SCAMP2: variants seen among roughly 807,000 people sequenced by gnomAD.
SCAMP2 encodes secretory carrier-associated membrane protein 2.
In SCAMP2, 25 loss-of-function variants were observed where a neutral mutation model predicts 44.1. The observed-to-expected ratio is 0.57, with a 90% CI of 0.41 to 0.79. The LOEUF (loss-of-function observed/expected upper bound fraction) is 0.79, where lower values mean the gene tolerates loss of function less well. Ranked by LOEUF, SCAMP2 falls within the 30% of genes least tolerant of loss-of-function variation. SCAMP2 has a pLI of 0.00. For missense variants in SCAMP2, 355 were observed against 411.0 expected (o/e 0.86, Z 1.18); for synonymous variants, 156 against 166.0 (o/e 0.94, Z 0.46).
intron 7 of SCAMP2, among the ~76,000 whole-genome samples, chr15:74,845,840 G>A (rs2064395667): frequency 6.6e-6 from 1 of 152,216 alleles, no homozygotes; most frequent in Admixed American, 6.5e-5. Context: ...AAGGGAGGAT[G>A]TGGTTGCTGC....
At position 74,850,617 on chromosome 15, in the gene SCAMP2, T is replaced by G; in HGVS notation, c.529A>C (p.Asn177His). 6.2e-7 allele frequency: 1 copy of G among 1,614,108 alleles called. No individual in the cohort carries two copies. The highest frequency in any genetic ancestry group is 1.1e-5 in the South Asian group (1 of 91,084). Residue 177 changes from asparagine (N) to histidine (H), a missense_variant, in exon 6 of 9, where the codon AAC becomes CAC. Coordinates refer to ENST00000268099, the MANE Select transcript of SCAMP2 (RefSeq NM_005697.5). ...CCAAAGTCCACTCCCTTGGAGCTGT[T>G]GCCCGAGAACCAGGCCAGGCAGGCA... ...LLACLAWFSG[N>H]SSKGVDFGLS...
chr15:74,851,860 G>A (rs2064437396), intron 4 of SCAMP2: 1 of 467,260 alleles, frequency 2.1e-6, no homozygotes, highest in Non-Finnish European at 3.8e-6. Flanking sequence ...AGGAAGGAGT[G>A]CAGAAGTAAT....
intron 1 of SCAMP2, among the ~76,000 whole-genome samples, chr15:74,865,407 A>G (rs2141181089): frequency 6.6e-6 from 1 of 151,596 alleles, no homozygotes; most frequent in African/African-American, 2.4e-5. Flanking sequence ...AAAGAAAAGA[A>G]AAAAGAAAGA....
chr15:74,862,719 G>A (rs2064515162), intron 1 of SCAMP2, among the ~76,000 whole-genome samples: 1 of 151,424 alleles, frequency 6.6e-6, no homozygotes, highest in Non-Finnish European at 1.5e-5. Flanking sequence ...CTACTTGGGA[G>A]GCTGAGGCAG....
At position 74,854,760 on chromosome 15, in the gene SCAMP2, G is replaced by A. The variant is rs1373992167; in HGVS notation, c.58-111C>T. On this transcript the variant is annotated intron_variant, in intron 1 of 8. Transcript: ENST00000268099. Reference sequence around the variant, plus strand: ...GCAGGGCAGCTGATCACCCTCCCGGGACCCTGAGAAGCCTCTCTGGAAGGG... The same window carrying A: ...GCAGGGCAGCTGATCACCCTCCCGGAACCCTGAGAAGCCTCTCTGGAAGGG... 9 of 930,778 alleles carry A rather than the reference G, an allele frequency of 9.7e-6. No individual in the cohort carries two copies. In the East Asian group the frequency reaches 2.4e-4, roughly 25 times the overall value. The allele number at this position is 930,778 out of a possible 1,614,324, so 57.7% of individuals were successfully genotyped here. A position where few individuals can be genotyped will look rare whatever the true frequency, so the allele number is the denominator to read the frequency against.
At chr15:74,851,273 A>T in intron 5 of SCAMP2, 80 bp downstream of exon 5, 1 of 1,503,180 alleles carries the variant, frequency 6.7e-7, no homozygotes, top group Non-Finnish European at 9.1e-7. Context: ...TATACCAGGG[A>T]GGAGCAGCCA....
chr15:74,866,025 A>AG (rs1420826024), intron 1 of SCAMP2, among the ~76,000 whole-genome samples: 1 of 55,748 alleles, frequency 1.8e-5, no homozygotes, highest in Non-Finnish European at 3.2e-5. Context: ...GAAAGGAGGG[A>AG]GGGAGGGGAG....
intron 3 of SCAMP2, chr15:74,853,815 G>A (rs1165734637): frequency 3.4e-6 from 2 of 589,366 alleles, no homozygotes; most frequent in Non-Finnish European, 6.0e-6. Flanking sequence ...CAGTGGTGGT[G>A]GTGGGTGGGA....
intron 1 of SCAMP2, among the ~76,000 whole-genome samples, chr15:74,867,854 T>C (rs2064553256): frequency 6.6e-6 from 1 of 152,242 alleles, no homozygotes; most frequent in Non-Finnish European, 1.5e-5. Context: ...CCACCACCTA[T>C]TCCACTTCCT....
intron 3 of SCAMP2, chr15:74,852,443 G>A: frequency 2.8e-6 from 1 of 353,716 alleles, no homozygotes; most frequent in Non-Finnish European, 5.1e-6. Flanking sequence ...CTAAGCTTGA[G>A]TTGGGAAAAC....
chr15:74,847,149 T>C (rs2064405068), intron 7 of SCAMP2, among the ~76,000 whole-genome samples: 1 of 131,608 alleles, frequency 7.6e-6, no homozygotes, highest in South Asian at 2.5e-4. Flanking sequence ...TGGAGAACAG[T>C]GGTGTGATCC....
intron 1 of SCAMP2, among the ~76,000 whole-genome samples, chr15:74,859,727 G>A (rs1053781807): frequency 8.1e-5 from 12 of 149,060 alleles, no homozygotes; most frequent in East Asian, 3.9e-4. Flanking sequence ...AGCGATTCTC[G>A]TGCCTCAGCC....
At chr15:74,848,505 G>T in intron 7 of SCAMP2, 95 bp downstream of exon 7, 1 of 767,524 alleles carries the variant, frequency 1.3e-6, no homozygotes. Flanking sequence ...GAAAAGCAGG[G>T]CACTGGCGGG....
intron 2 of SCAMP2, 95 bp from the exon 3 acceptor site, chr15:74,854,214 CCTGTG>C: frequency 2.7e-6 from 3 of 1,110,214 alleles, no homozygotes; most frequent in Non-Finnish European, 4.1e-6. Context: ...TGTGCCCCTG[CCTGTG>C]AGGGGACTCC....
intron 2 of SCAMP2, among the ~76,000 whole-genome samples, chr15:74,854,370 G>A (rs779998373): frequency 1.3e-5 from 2 of 152,242 alleles, no homozygotes; most frequent in Non-Finnish European, 2.9e-5. Context: ...TTGGGGAGGG[G>A]CCCCGGTCAC....
chr15:74,850,374 G>C, intron 6 of SCAMP2, 140 bp downstream of exon 6: 2 of 852,582 alleles, frequency 2.3e-6, no homozygotes, highest in Admixed American at 2.3e-5. Flanking sequence ...GGGAACAGAG[G>C]AACAGAATGT....
intron 1 of SCAMP2, among the ~76,000 whole-genome samples, chr15:74,856,243 G>A (rs2064467840): frequency 6.8e-6 from 1 of 146,226 alleles, no homozygotes; most frequent in Non-Finnish European, 1.5e-5. Context: ...ACCTCCACTG[G>A]AAGCCTCTGC....
In SCAMP2 at chr15:74,848,698, G is replaced by A. The variant is rs1441749866; in HGVS notation, c.636C>T (p.Ser212=). Residue 212 remains serine, a synonymous_variant, in exon 7 of 9, where the codon TCC becomes TCT. Transcript: ENST00000268099. ...ACACAAAGAAGCTGAAAGAGTTGTCGGACCTGTGGAGAGAGAGGGAAATAA... is the reference window on the plus strand; with the variant it reads ...ACACAAAGAAGCTGAAAGAGTTGTCAGACCTGTGGAGAGAGAGGGAAATAA... ...WYRPIYKAFR[S]DNSFSFFVFF... 23 of 1,610,320 alleles carry A rather than the reference G, an allele frequency of 1.4e-5. No homozygotes were observed. The Admixed American group carries it at 2.5e-4, about 18-fold the overall frequency.
At position 74,845,167 on chromosome 15, in the gene SCAMP2, C is replaced by T; in HGVS notation, c.906G>A (p.Glu302=). 1 of 1,613,938 alleles carries T rather than the reference C, an allele frequency of 6.2e-7. No homozygotes were observed. The highest frequency in any genetic ancestry group is 1.1e-5 in the South Asian group (1 of 91,076). The change falls in exon 9 of 9, where the codon GAG becomes GAA. Residue 302 remains glutamate (E), a synonymous_variant. Coordinates refer to ENST00000268099, the MANE Select transcript of SCAMP2 (RefSeq NM_005697.5). ...RTGASFQQAQ[E]EFSQGIFSSR... is the part of the protein sequence containing the mutation. ...TGCTGAAGATGCCCTGGGAAAACTC[C>T]TCCTGGGCCTGCTGGAAGCTGGCCC...
Sources: allele counts gnomAD v4.1 joint callset (sites outside exome capture counted in the v4.1 genomes callset), GRCh38; gene constraint gnomAD v4.1.1; transcripts MANE v1.5; gene names NCBI Gene and HGNC (gene_info 2026-07-23, HGNC 2026-07-21).